Variants in GAREM2 observed in about 807,000 individuals in gnomAD.
GAREM2 encodes the protein GRB2-associated and regulator of MAPK protein 2.
Under a neutral mutation model 55.6 loss-of-function variants are expected in GAREM2, and 30 were observed. The ratio of observed to expected loss-of-function variants is 0.54; its 90% CI spans 0.40 to 0.73. The LOEUF (loss-of-function observed/expected upper bound fraction) is 0.73, where lower values mean the gene tolerates loss of function less well. Among genes scored for constraint, GAREM2 ranks in the 30% least tolerant of loss-of-function variants. GAREM2 has a pLI of 0.00. For synonymous variants in GAREM2, 550 were observed against 569.1 expected, an observed-to-expected ratio of 0.97 and a Z score of 0.48; for missense variants, 1,075 against 1,257.7, an observed-to-expected ratio of 0.85 and a Z score of 2.20.
In GAREM2 at chr2:26,173,331, A is replaced by T; in HGVS notation, c.111A>T (p.Pro37=). 1 of 1,384,148 alleles carries T rather than the reference A, an allele frequency of 7.2e-7. No homozygotes were observed. The highest frequency in any genetic ancestry group is 1.5e-5 in the African/African-American group (1 of 66,338). The allele number at this position is 1,384,148 out of a possible 1,614,324, so 85.7% of individuals were successfully genotyped here. The change falls in exon 1 of 6, where the codon CCA becomes CCT. Residue 37 remains proline, a splice_region_variant and synonymous_variant. Coordinates refer to ENST00000401533, the MANE Select transcript of GAREM2 (RefSeq NM_001168241.2). The part of the protein sequence containing the change: ...CRLPTLACLG[P]GEYAEGVSER... ...TGCCCACGCTCGCCTGCCTTGGGCC[A>T]GGTACCGGGGTCGCTGGAGATGGGG...
Position 26,186,172 on chromosome 2 carries a change from C to T in GAREM2, c.1429-17C>T, listed in dbSNP as rs1397030602. 2 of 1,482,480 alleles carry T rather than the reference C, an allele frequency of 1.3e-6. No individual in the cohort carries two copies. Among genetic ancestry groups the T allele is most frequent in the South Asian group, 2.8e-5 (2 of 72,662 alleles). 91.8% of individuals were successfully genotyped at this position (1,482,480 alleles called of 1,614,324 possible). On this transcript the variant is annotated splice_polypyrimidine_tract_variant and intron_variant, in intron 4 of 5. Coordinates refer to ENST00000401533, the MANE Select transcript of GAREM2 (RefSeq NM_001168241.2). ...GCTGTTTGGAGTCGAGGTGGAGTCA[C>T]CGCCCTCTGCTTGTAGGTGAAGGAG...
At chr2:26,184,203 A>G in intron 3 of GAREM2, 30 bp from the exon 4 acceptor site, 4 of 1,546,080 alleles carry the variant, frequency 2.6e-6, no homozygotes, top group Non-Finnish European at 3.5e-6. Flanking sequence ...GGACCTGGCT[A>G]AGGCCCTGCC....
At chr2:26,191,207 C>A (rs1669486129), downstream of GAREM2, 1 of 1,597,938 alleles carries the variant, frequency 6.3e-7, no homozygotes, top group South Asian at 1.1e-5. Flanking sequence ...GCACTGCCGG[C>A]AGCTGGGGTT....
At chr2:26,174,975 G>A (rs114162048) in intron 1 of GAREM2, among the ~76,000 whole-genome samples, 15 of 152,042 alleles carry the variant, frequency 9.9e-5, no homozygotes, top group African/African-American at 3.1e-4. Flanking sequence ...TTGGGCCCCC[G>A]GAGGTGAGGA....
At chr2:26,194,568 A>G, downstream of GAREM2, 1 of 1,592,926 alleles carries the variant, frequency 6.3e-7, no homozygotes, top group Non-Finnish European at 8.6e-7. Context: ...AGCAATACCA[A>G]CCTGGAGGAT....
Position 26,188,564 on chromosome 2 carries a change from G to A in GAREM2, c.*307G>A, listed in dbSNP as rs559322117. The stretch of plus-strand genomic sequence containing the variant: ...ACGGGGTCAAAAGCTGGCCTTCAGG[G>A]TGACCTAACACCACCTCATGCCCTG... On this transcript the variant is annotated 3_prime_UTR_variant, in exon 6 of 6. Coordinates refer to ENST00000401533, the MANE Select transcript of GAREM2 (RefSeq NM_001168241.2). 7 of 297,236 alleles carry A rather than the reference G, an allele frequency of 2.4e-5. No homozygotes were observed. Among genetic ancestry groups the A allele is most frequent in the African/African-American group, 1.5e-4 (7 of 46,434 alleles). The allele number at this position is 297,236 out of a possible 1,614,324, so 18.4% of individuals were successfully genotyped here.
chr2:26,192,507 C>T, downstream of GAREM2: 1 of 832,170 alleles, frequency 1.2e-6, no homozygotes, highest in South Asian at 1.3e-5. Context: ...CCTGGCCTGG[C>T]CAGGCGTGGT....
At chr2:26,193,043 T>C (rs4665314), downstream of GAREM2, among the ~76,000 whole-genome samples, 126,031 of 152,102 alleles carry the variant, frequency 0.83, 52,690 homozygotes, top group African/African-American at 0.96. Context: ...AGAAAGTCAC[T>C]TCTCTGTGGG....
At chr2:26,180,315 TTG>T (rs1669003696) in intron 2 of GAREM2, among the ~76,000 whole-genome samples, 1 of 152,134 alleles carries the variant, frequency 6.6e-6, no homozygotes, top group Non-Finnish European at 1.5e-5. Context: ...GAACACACAA[TTG>T]TGTGTGTGTT....
At chr2:26,189,745 G>A (rs1450225337), downstream of GAREM2, 1 of 152,288 alleles carries the variant, frequency 6.6e-6, no homozygotes, top group African/African-American at 2.4e-5. Context: ...TCTGGCAGGA[G>A]AGGACTGATG....
the GAREM2 span, chr2:26,195,209 A>C: frequency 6.2e-7 from 1 of 1,613,228 alleles, no homozygotes; most frequent in African/African-American, 1.3e-5. Context: ...TGTCCACGGG[A>C]GAGAAGTAGT....
chr2:26,185,061 G>A lies in GAREM2; in HGVS notation c.1213G>A (p.Gly405Ser). The change falls in exon 4 of 6, where the codon GGC (glycine) becomes AGC (serine). Residue 405 changes from glycine (G) to serine (S), a missense_variant. Gly to Ser is a moderately conservative substitution (Grantham distance 56, BLOSUM62 0). This residue lies in a region of GAREM2 where 515 missense variants were observed against 501.5 expected (regional missense o/e 1.03). Transcript: ENST00000401533. The part of the protein sequence containing the change: ...GPLAPAPAGE[G>S]DQEYVSPDWA... ...GCTAGCGCCGGCTCCCGCCGGCGAG[G>A]GCGACCAGGAGTACGTGAGCCCCGA... is the stretch of plus-strand genomic sequence containing the variant. 2 of 1,258,216 alleles carry A rather than the reference G, an allele frequency of 1.6e-6. No individual in the cohort carries two copies. Among genetic ancestry groups the A allele is most frequent in the Non-Finnish European group, 2.0e-6 (2 of 1,002,534 alleles). 77.9% of individuals were successfully genotyped at this position (1,258,216 alleles called of 1,614,324 possible). A position where few individuals can be genotyped will look rare whatever the true frequency, so the allele number is the denominator to read the frequency against.
chr2:26,189,314 TG>T lies in GAREM2; in HGVS notation c.*1059del, dbSNP rs1243655729. ...TGAATCTCAAACATGGGGATCTGCT[TG>T]GTACCCAGAGCTCTGGTCATTGTGT... On this transcript the variant is annotated 3_prime_UTR_variant, in exon 6 of 6. Transcript: ENST00000401533. 6.6e-6 allele frequency: 1 copy of T among 152,220 alleles called. No homozygotes were observed. The highest frequency in any genetic ancestry group is 1.5e-5 in the Non-Finnish European group (1 of 68,070). The allele number at this position is 152,220 out of a possible 1,614,324, so 9.4% of individuals were successfully genotyped here.
At chr2:26,192,765 C>G (rs774786702), downstream of GAREM2, among the ~76,000 whole-genome samples, 1 of 152,086 alleles carries the variant, frequency 6.6e-6, no homozygotes, top group Non-Finnish European at 1.5e-5. Flanking sequence ...CAAAAAAGAC[C>G]CTGACCTGAG....
At position 26,184,387 on chromosome 2, in the gene GAREM2, G is replaced by A. The variant is rs763267858; in HGVS notation, c.539G>A (p.Arg180Gln). The change falls in exon 4 of 6, where the codon CGG becomes CAG. Residue 180 changes from arginine (R) to glutamine (Q), a missense_variant. Arg to Gln is a conservative substitution (Grantham distance 43, BLOSUM62 1). Around this residue, in one of 6 missense-constraint regions of GAREM2, gnomAD observed 230 missense variants for 310.6 expected, o/e 0.74. Transcript: ENST00000401533. ...RFTTLLRKLG[R>Q]AGALAGVGGG... The stretch of plus-strand genomic sequence containing the variant: ...ACCACCCTCCTGCGAAAGCTGGGCC[G>A]GGCCGGGGCGCTGGCCGGGGTGGGC... The A allele has an allele frequency of 1.2e-5, 18 of 1,530,770 alleles. No homozygotes were observed. The South Asian group carries it at 1.9e-4, about 16-fold the overall frequency. 94.8% of individuals were successfully genotyped at this position (1,530,770 alleles called of 1,614,324 possible). A position where few individuals can be genotyped will look rare whatever the true frequency, so the allele number is the denominator to read the frequency against.
At chr2:26,193,484 C>T, downstream of GAREM2, 1 of 1,089,634 alleles carries the variant, frequency 9.2e-7, no homozygotes, top group South Asian at 1.2e-5. Flanking sequence ...AGAAAACTTT[C>T]TTCCACGAGG....
At chr2:26,195,315 T>A in the GAREM2 span, 1 of 1,177,596 alleles carries the variant, frequency 8.5e-7, no homozygotes, top group Non-Finnish European at 1.3e-6. Flanking sequence ...AGGAAAACAC[T>A]AGAAAGAAAG....
chr2:26,192,859 T>C (rs528222120), downstream of GAREM2, among the ~76,000 whole-genome samples: 30 of 152,182 alleles, frequency 2.0e-4, no homozygotes, highest in Non-Finnish European at 4.0e-4. Flanking sequence ...CCTAGCAAAT[T>C]AGTCTTTGTC....
In GAREM2 at chr2:26,185,255, A is replaced by T. The variant is rs1440045504; in HGVS notation, c.1407A>T (p.Pro469=). ...GGGAGCCGGAAGCGCCGCCGCCTCC[A>T]GTCCCTCCCAAATCCGAGGCGGTGA... is the stretch of plus-strand genomic sequence containing the variant. ...PRREPEAPPP[P]VPPKSEAVKE... is the part of the protein sequence containing the mutation. Residue 469 remains proline (P), a synonymous_variant, in exon 4 of 6, where the codon CCA becomes CCT. Transcript: ENST00000401533. 3 of 1,520,774 alleles carry T rather than the reference A, an allele frequency of 2.0e-6. No homozygotes were observed. In the South Asian group the frequency reaches 3.6e-5, roughly 18 times the overall value. The allele number at this position is 1,520,774 out of a possible 1,614,324, so 94.2% of individuals were successfully genotyped here. A position where few individuals can be genotyped will look rare whatever the true frequency, so the allele number is the denominator to read the frequency against.
Sources: gnomAD v4.1 joint callset for allele counts (sites outside exome capture counted in the v4.1 genomes callset) on GRCh38, gnomAD v4.1.1 for gene constraint, gnomAD v4.1.1 regional missense constraint, MANE v1.5 for transcripts, NCBI Gene and HGNC (gene_info 2026-07-23, HGNC 2026-07-21) for gene names.